ARB2A: variants seen among roughly 807,000 people sequenced by gnomAD.
ARB2A encodes the protein cotranscriptional regulator ARB2A.
chr5:93,875,800 CAAA>C, the ARB2A span, among the ~76,000 whole-genome samples: 6 of 112,612 alleles, frequency 5.3e-5, no homozygotes, highest in Non-Finnish European at 3.8e-5. Context: ...GATCTGGGGG[CAAA>C]AAAAAAAAAA....
the ARB2A span, among the ~76,000 whole-genome samples, chr5:94,080,700 G>A: frequency 6.6e-6 from 1 of 152,152 alleles, no homozygotes; most frequent in Non-Finnish European, 1.5e-5. Flanking sequence ...ATTTCAGCCT[G>A]ATGCAGGACA....
At chr5:94,072,226 T>G in the ARB2A span, among the ~76,000 whole-genome samples, 2 of 152,062 alleles carry the variant, frequency 1.3e-5, no homozygotes, top group Non-Finnish European at 1.5e-5. Flanking sequence ...AAGTTGGCAG[T>G]TGGGGACATT....
At chr5:94,055,231 T>G in the ARB2A span, among the ~76,000 whole-genome samples, 1 of 152,342 alleles carries the variant, frequency 6.6e-6, no homozygotes, top group African/African-American at 2.4e-5. Context: ...AGTTAGGTTT[T>G]GAGCCTCTTC....
At chr5:93,646,739 C>T in the ARB2A span, among the ~76,000 whole-genome samples, 3 of 151,332 alleles carry the variant, frequency 2.0e-5, no homozygotes, top group East Asian at 1.9e-4. Context: ...TGATGTGATT[C>T]GAATGTTTCA....
chr5:93,636,443 G>A, the ARB2A span, among the ~76,000 whole-genome samples: 22,455 of 152,122 alleles, frequency 0.15, 1,929 homozygotes, highest in Middle Eastern at 0.23. Context: ...CCTCATGAGT[G>A]GAATTACTGC....
the ARB2A span, among the ~76,000 whole-genome samples, chr5:93,837,450 T>C: frequency 5.1e-4 from 78 of 152,270 alleles, no homozygotes; most frequent in African/African-American, 1.8e-3. Flanking sequence ...GTCTTTATAG[T>C]AGAATGATTT....
the ARB2A span, among the ~76,000 whole-genome samples, chr5:93,919,004 C>T: frequency 7.2e-5 from 11 of 152,122 alleles, no homozygotes; most frequent in Non-Finnish European, 8.8e-5. Context: ...TACAATCACC[C>T]GTAAAACATT....
the ARB2A span, among the ~76,000 whole-genome samples, chr5:93,728,789 A>G: frequency 6.6e-6 from 1 of 152,122 alleles, no homozygotes; most frequent in Non-Finnish European, 1.5e-5. Context: ...AGGAAGAATT[A>G]TTTTTTGTCT....
At chr5:93,798,064 T>C in the ARB2A span, among the ~76,000 whole-genome samples, 370 of 152,022 alleles carry the variant, frequency 2.4e-3, 1 homozygote, top group African/African-American at 8.6e-3. Flanking sequence ...ATCAGAAGTA[T>C]AATAAAAGGA....
chr5:93,905,113 T>C, the ARB2A span, among the ~76,000 whole-genome samples: 2 of 151,698 alleles, frequency 1.3e-5, no homozygotes, highest in South Asian at 2.1e-4. Context: ...GGAAGACAAA[T>C]ATTGCTTAAA....
the ARB2A span, among the ~76,000 whole-genome samples, chr5:93,753,735 A>C: frequency 6.6e-6 from 1 of 152,226 alleles, no homozygotes; most frequent in Non-Finnish European, 1.5e-5. Context: ...GGAAGCTGAA[A>C]TAACAGAAAT....
At chr5:93,873,287 G>A in the ARB2A span, among the ~76,000 whole-genome samples, 1 of 59,960 alleles carries the variant, frequency 1.7e-5, no homozygotes, top group Non-Finnish European at 3.2e-5. Flanking sequence ...GTAAGACCCT[G>A]TCTCAAAAAA....
the ARB2A span, among the ~76,000 whole-genome samples, chr5:93,631,891 A>C: frequency 6.6e-6 from 1 of 152,240 alleles, no homozygotes; most frequent in East Asian, 1.9e-4. Flanking sequence ...ATTTCAAAGC[A>C]AAACAAAACA....
At chr5:94,035,196 C>CAT in the ARB2A span, among the ~76,000 whole-genome samples, 1 of 129,630 alleles carries the variant, frequency 7.7e-6, no homozygotes, top group Non-Finnish European at 1.6e-5. Flanking sequence ...GGATCTTATA[C>CAT]ATACATATAC....
At chr5:93,865,822 A>C in the ARB2A span, 23 of 985,416 alleles carry the variant, frequency 2.3e-5, no homozygotes, top group African/African-American at 4.0e-4. Context: ...CTACTTGCCG[A>C]ATAGTAGGCA....
At chr5:94,018,883 G>T in the ARB2A span, among the ~76,000 whole-genome samples, 1 of 152,064 alleles carries the variant, frequency 6.6e-6, no homozygotes, top group Admixed American at 6.6e-5. Context: ...AACAAAGCTG[G>T]TGACATCACG....
At chr5:93,703,109 C>T in the ARB2A span, among the ~76,000 whole-genome samples, 1 of 152,168 alleles carries the variant, frequency 6.6e-6, no homozygotes, top group South Asian at 2.1e-4. Flanking sequence ...GGGACTTTGG[C>T]CTCCTCATGA....
the ARB2A span, among the ~76,000 whole-genome samples, chr5:93,883,629 C>T: frequency 2.0e-5 from 3 of 151,506 alleles, no homozygotes; most frequent in Non-Finnish European, 3.0e-5. Context: ...ACCCCTCTTC[C>T]TTGTGCCTCT....
At chr5:93,636,979 A>G in the ARB2A span, among the ~76,000 whole-genome samples, 2 of 152,234 alleles carry the variant, frequency 1.3e-5, no homozygotes, top group African/African-American at 4.8e-5. Flanking sequence ...GTGCAATATG[A>G]CAATTGTGAT....
Sources: allele counts gnomAD v4.1 joint callset (sites outside exome capture counted in the v4.1 genomes callset), GRCh38; gene constraint gnomAD v4.1.1; transcripts MANE v1.5; gene names NCBI Gene and HGNC (gene_info 2026-07-23, HGNC 2026-07-21).